The following TCF3 variants were observed in gnomAD, a reference collection of about 807,000 sequenced individuals.
TCF3 encodes the protein transcription factor 3.
Under a neutral mutation model 72.3 loss-of-function variants are expected in TCF3, and 54 were observed. The observed-to-expected ratio is 0.75, with a 90% CI of 0.60 to 0.94. The LOEUF is 0.94. TCF3 is among the 40% of genes least tolerant of loss of function. The pLI, the probability that TCF3 is intolerant of heterozygous loss-of-function variation, is 0.00. For synonymous variants in TCF3, 525 were observed against 412.6 expected, an observed-to-expected ratio of 1.27 and a Z score of -3.30; for missense variants, 1,078 against 934.4, an observed-to-expected ratio of 1.15 and a Z score of -2.00.
At chr19:1,625,146 G>A (rs535276407) in intron 7 of TCF3, among the ~76,000 whole-genome samples, 2 of 152,316 alleles carry the variant, frequency 1.3e-5, no homozygotes, top group East Asian at 1.9e-4. Context: ...CATGCCTGGC[G>A]ACTGTGCTGC....
intron 3 of TCF3, among the ~76,000 whole-genome samples, chr19:1,642,095 T>A (rs1024893674): frequency 4.0e-5 from 6 of 149,974 alleles, no homozygotes; most frequent in African/African-American, 1.5e-4. Context: ...TTCCTGGGCT[T>A]AAAGAAGGTG....
chr19:1,651,216 C>A (rs1000054026), intron 1 of TCF3: 5 of 228,980 alleles, frequency 2.2e-5, no homozygotes, highest in Admixed American at 5.7e-5. Context: ...GCACTCCAGG[C>A]CCCTCCAGTC....
Position 1,621,820 on chromosome 19 carries a change from C to A in TCF3, c.955+18G>T, listed in dbSNP as rs1307542597. The A allele has an allele frequency of 6.3e-7, 1 of 1,575,062 alleles. No homozygotes were observed. The highest frequency in any genetic ancestry group is 8.6e-7 in the Non-Finnish European group (1 of 1,161,762). Reference sequence around the variant, plus strand: ...CAGTGTCCCCTCGGAGAGGCCGCATCCCAGGGAGGGGCCATACCCAGGAGG... The same window carrying A: ...CAGTGTCCCCTCGGAGAGGCCGCATACCAGGGAGGGGCCATACCCAGGAGG... On this transcript the variant is annotated intron_variant, in intron 11 of 18. Coordinates refer to ENST00000262965, the MANE Select transcript of TCF3 (RefSeq NM_003200.5).
At chr19:1,629,540 C>G (rs915066538) in intron 5 of TCF3, among the ~76,000 whole-genome samples, 1 of 152,040 alleles carries the variant, frequency 6.6e-6, no homozygotes, top group African/African-American at 2.4e-5. Context: ...CAAGGCGAGC[C>G]CCCAGCATGG....
At chr19:1,622,613 C>T (rs190584479) in intron 8 of TCF3, among the ~76,000 whole-genome samples, 198 bp from the exon 9 acceptor site, 2 of 152,178 alleles carry the variant, frequency 1.3e-5, no homozygotes, top group Admixed American at 1.3e-4. Context: ...TCTCTCTCTC[C>T]TACTCCTTTT....
Position 1,615,812 on chromosome 19 carries a change from C to T in TCF3, c.1460G>A (p.Arg487Gln), listed in dbSNP as rs745516889. The change falls in exon 17 of 19, where the codon CGA (arginine) becomes CAA (glutamine). Residue 487 changes from arginine to glutamine, a missense_variant. Physicochemically the swap from Arg to Gln is conservative, Grantham distance 43 (BLOSUM62 1). Transcript: ENST00000262965. This position sits in a 1 kb window ranked among gnomAD's most constrained non-coding sequence, Gnocchi z 7.3. ...RPPDSYSGLG[R>Q]AGATAAASEI... ...GCTGGCGGCCGCCGTGGCACCTGCT[C>T]GCCCTAGCCCTGCAACAGGCCTAGG... is the stretch of plus-strand genomic sequence containing the variant. 7 of 1,559,396 alleles carry T rather than the reference C, an allele frequency of 4.5e-6. No individual in the cohort carries two copies. The highest frequency in any genetic ancestry group is 3.6e-5 in the Admixed American group (2 of 55,830).
intron 14 of TCF3, 36 bp from the exon 15 acceptor site, chr19:1,619,510 G>A: frequency 3.9e-6 from 6 of 1,549,418 alleles, no homozygotes; most frequent in Non-Finnish European, 5.2e-6. Context: ...AGGGGCCCAA[G>A]CCGAGGGACC....
rs941740389 is a variant in TCF3 at position 1,623,960 on chromosome 19, A to G, written c.540T>C (p.Leu180=). 10 of 1,613,402 alleles carry G rather than the reference A, an allele frequency of 6.2e-6. No individual in the cohort carries two copies. In the African/African-American group the frequency reaches 1.3e-4, roughly 22 times the overall value. The change falls in exon 8 of 19, where the codon CTT becomes CTC. Residue 180 remains leucine (L), a synonymous_variant. Coordinates refer to ENST00000262965, the MANE Select transcript of TCF3 (RefSeq NM_003200.5). ...CCCTCGTGCGACTCACCGAGGATGG[A>G]AGACCCGGCGGGACCTTCCGGACCT... ...PKKVRKVPPG[L]PSSVYPPSSG... is the part of the protein sequence containing the mutation.
At chr19:1,624,544 G>A (rs937519015) in intron 7 of TCF3, among the ~76,000 whole-genome samples, 4 of 152,234 alleles carry the variant, frequency 2.6e-5, no homozygotes, top group African/African-American at 4.8e-5. Flanking sequence ...AGGCTCTGCT[G>A]AGAAGCCCCT....
intron 18 of TCF3, 38 bp from the exon 19 acceptor site, chr19:1,611,887 C>A: frequency 6.8e-7 from 1 of 1,463,530 alleles, no homozygotes. Flanking sequence ...GAGACGGTCC[C>A]AGGGAGGAGA....
At chr19:1,647,947 A>G (rs1389464200) in intron 2 of TCF3, among the ~76,000 whole-genome samples, 2 of 151,846 alleles carry the variant, frequency 1.3e-5, no homozygotes, top group Non-Finnish European at 2.9e-5. Flanking sequence ...GGGCCTGGGG[A>G]GCTCGCTTCC....
intron 3 of TCF3, among the ~76,000 whole-genome samples, chr19:1,633,524 G>A (rs951815408): frequency 1.3e-5 from 2 of 151,954 alleles, no homozygotes; most frequent in South Asian, 2.1e-4. Context: ...CTTCTATTTC[G>A]GTGCCTTTGT....
chr19:1,632,095 A>G lies in TCF3; in HGVS notation c.241T>C (p.Phe81Leu). Reference protein sequence around the residue: ...PSRTFSEGTHFTESHSSLSSS... With the variant: ...PSRTFSEGTHLTESHSSLSSS... ...GAGAGGCTGCTGTGCGACTCAGTGAAGTGGGTGCCCTCGCTGAAGGTCTAG... is the reference window on the plus strand; with the variant it reads ...GAGAGGCTGCTGTGCGACTCAGTGAGGTGGGTGCCCTCGCTGAAGGTCTAG... The change falls in exon 5 of 19, where the codon TTC becomes CTC. Residue 81 changes from phenylalanine (F) to leucine (L), a missense_variant. Physicochemically the swap from Phe to Leu is conservative, Grantham distance 22 (BLOSUM62 0). Coordinates refer to ENST00000262965, the MANE Select transcript of TCF3 (RefSeq NM_003200.5). 1 of 1,613,398 alleles carries G rather than the reference A, an allele frequency of 6.2e-7. No homozygotes were observed. The highest frequency in any genetic ancestry group is 8.5e-7 in the Non-Finnish European group (1 of 1,179,806).
intron 3 of TCF3, among the ~76,000 whole-genome samples, chr19:1,645,688 A>T (rs544291044): frequency 2.0e-5 from 3 of 152,158 alleles, no homozygotes; most frequent in African/African-American, 7.2e-5. Context: ...CATGCTCCAG[A>T]GTGTGATTTT....
Position 1,621,840 on chromosome 19 carries a change from A to G in TCF3, c.953T>C (p.Leu318Pro). ...TPPVSGADSL[L>P]GSRGTTAGSS... ...CGCATCCCAGGGAGGGGCCATACCC[A>G]GGAGGCTGTCGGCCCCGCTGACAGG... The change falls in exon 11 of 19, where the codon CTG becomes CCG. Residue 318 changes from leucine (L) to proline (P), a missense_variant and splice_region_variant. Coordinates refer to ENST00000262965, the MANE Select transcript of TCF3 (RefSeq NM_003200.5). 6.3e-7 allele frequency: 1 copy of G among 1,588,084 alleles called. No individual in the cohort carries two copies. Among genetic ancestry groups the G allele is most frequent in the Non-Finnish European group, 8.6e-7 (1 of 1,168,646 alleles).
chr19:1,634,297 G>A (rs992169177), intron 3 of TCF3, among the ~76,000 whole-genome samples: 3 of 152,254 alleles, frequency 2.0e-5, no homozygotes, highest in African/African-American at 4.8e-5. Flanking sequence ...TAATTAAAAT[G>A]TACTAATAGA....
chr19:1,645,316 G>A (rs1006800379), intron 3 of TCF3, among the ~76,000 whole-genome samples: 6 of 152,042 alleles, frequency 3.9e-5, no homozygotes, highest in South Asian at 2.1e-4. Flanking sequence ...AAAGAGACCC[G>A]TGGCTCTGAA....
intron 5 of TCF3, among the ~76,000 whole-genome samples, chr19:1,630,763 C>A (rs1302955216): frequency 6.6e-6 from 1 of 152,228 alleles, no homozygotes; most frequent in Non-Finnish European, 1.5e-5. Context: ...CTGACCACGA[C>A]AGCGGGACCC....
intron 3 of TCF3, among the ~76,000 whole-genome samples, chr19:1,638,005 G>A (rs950246276): frequency 1.3e-5 from 2 of 152,222 alleles, no homozygotes; most frequent in African/African-American, 4.8e-5. Flanking sequence ...CCTAAAAAAC[G>A]AGAAGACTGT....
Sources: allele counts gnomAD v4.1 joint callset (sites outside exome capture counted in the v4.1 genomes callset), GRCh38; gene constraint gnomAD v4.1.1; non-coding constraint Gnocchi (gnomAD v3.1); transcripts MANE v1.5; gene names NCBI Gene and HGNC (gene_info 2026-07-23, HGNC 2026-07-21).